PICALM: variants seen among roughly 807,000 people sequenced by gnomAD.
The protein encoded by PICALM is phosphatidylinositol binding clathrin assembly protein.
PICALM carries 40 observed loss-of-function variants against 80.5 expected under a neutral mutation model. The observed-to-expected ratio is 0.50, with a 90% confidence interval of 0.39 to 0.65. PICALM has a LOEUF of 0.65. PICALM is among the 30% of genes least tolerant of loss of function. The pLI, the probability that PICALM is intolerant of heterozygous loss-of-function variation, is 0.00. For missense variants in PICALM, 676 were observed against 778.9 expected (o/e 0.87, Z 1.57); for synonymous variants, 288 against 260.3 (o/e 1.11, Z -1.02).
intron 1 of PICALM, among the ~76,000 whole-genome samples, chr11:86,042,992 T>C (rs2137095434): frequency 6.6e-6 from 1 of 152,168 alleles, no homozygotes; most frequent in East Asian, 1.9e-4. Flanking sequence ...ACGTTATTAG[T>C]TAGGAATGAC....
chr11:85,997,502 G>A (rs910839262), intron 11 of PICALM, among the ~76,000 whole-genome samples: 2 of 152,160 alleles, frequency 1.3e-5, no homozygotes, highest in Non-Finnish European at 1.5e-5. Flanking sequence ...ACAGAGTCTC[G>A]CTCTGTCGCC....
intron 1 of PICALM, 55 bp downstream of exon 1, chr11:86,068,596 C>G: frequency 1.9e-6 from 3 of 1,547,794 alleles, no homozygotes; most frequent in Non-Finnish European, 2.6e-6. Context: ...GAGAGAAGGA[C>G]GCGCGCGGGT....
Position 85,965,807 on chromosome 11 carries a change from G to GTTTTTTTTT in PICALM, c.1945-6748_1945-6747insAAAAAAAAA, listed in dbSNP as rs142410273. The stretch of plus-strand genomic sequence containing the variant: ...TCACCTTGAATGCATTACCCATTTT[G>GTTTTTTTTT]TTTTTTTGTTTTTTTTTTTTTTTTT... On this transcript the variant is annotated intron_variant, in intron 19 of 19. Transcript: ENST00000393346. 1.0e-4 allele frequency among the ~76,000 whole-genome samples: 8 copies of GTTTTTTTTT among 79,256 alleles called. 1 individual carries two copies. The highest frequency in any genetic ancestry group is 2.9e-4 in the African/African-American group (5 of 17,156). The allele number at this position is 79,256 out of a possible 152,430, so 52.0% of individuals were successfully genotyped here.
intron 1 of PICALM, among the ~76,000 whole-genome samples, chr11:86,049,432 T>C (rs1479086812): frequency 6.6e-6 from 1 of 152,116 alleles, no homozygotes; most frequent in Non-Finnish European, 1.5e-5. Context: ...ATTTTGTATG[T>C]ATCAATAAAT....
Position 85,958,765 on chromosome 11 carries a change from GGTAT to G in PICALM, c.*277_*280del. 5.7e-6 allele frequency: 2 copies of G among 349,696 alleles called. No individual in the cohort carries two copies. The highest frequency in any genetic ancestry group is 2.5e-4 in the South Asian group (2 of 7,880). 21.7% of individuals were successfully genotyped at this position (349,696 alleles called of 1,614,324 possible). ...TTTTCTTGATAGGTTACTGATTATGGGTATTAACAGGAGTTGAAAGAATTGAAGG... is the reference window on the plus strand; with the variant it reads ...TTTTCTTGATAGGTTACTGATTATGGTAACAGGAGTTGAAAGAATTGAAGG... On this transcript the variant is annotated 3_prime_UTR_variant, in exon 20 of 20. Transcript: ENST00000393346.
In PICALM at chr11:86,012,363, T is replaced by A; in HGVS notation, c.576A>T (p.Val192=). ...NVNSNELTNG[V]INAAFMLLFK... ...ACAGGAGCATGAAGGCAGCATTTAT[T>A]ACCCCATTTGTAAGTTCATTGCTAT... is the stretch of plus-strand genomic sequence containing the variant. The change falls in exon 6 of 20, where the codon GTA becomes GTT. Residue 192 remains valine, a synonymous_variant. Coordinates refer to ENST00000393346, the MANE Select transcript of PICALM (RefSeq NM_007166.4). 3 of 1,609,424 alleles carry A rather than the reference T, an allele frequency of 1.9e-6. No individual in the cohort carries two copies. Among genetic ancestry groups the A allele is most frequent in the South Asian group, 2.2e-5 (2 of 90,760 alleles).
At chr11:86,017,267 C>T (rs1441254326) in intron 4 of PICALM, among the ~76,000 whole-genome samples, 2 of 151,336 alleles carry the variant, frequency 1.3e-5, no homozygotes, top group African/African-American at 4.9e-5. Context: ...TTTTTCCTAC[C>T]ATGGTAGATT....
intron 17 of PICALM, among the ~76,000 whole-genome samples, chr11:85,977,549 T>A (rs1010385396): frequency 2.6e-5 from 4 of 152,194 alleles, no homozygotes; most frequent in Non-Finnish European, 5.9e-5. Context: ...TATATGGCAA[T>A]TTGAACATAT....
chr11:86,028,910 T>G lies in PICALM; in HGVS notation c.274-2543A>C, dbSNP rs369579071. 3.3e-5 allele frequency among the ~76,000 whole-genome samples: 5 copies of G among 151,306 alleles called. No individual in the cohort carries two copies. In the South Asian group the frequency reaches 8.4e-4, roughly 25 times the overall value. ...CTGGCATGCAAAGGTGTCATCTCGC[T>G]CACTGCAACCTCCGCTTCCCAGGTT... On this transcript the variant is annotated intron_variant, in intron 2 of 19. Transcript: ENST00000393346.
At chr11:86,044,997 G>C (rs2096047155) in intron 1 of PICALM, among the ~76,000 whole-genome samples, 1 of 152,194 alleles carries the variant, frequency 6.6e-6, no homozygotes, top group Non-Finnish European at 1.5e-5. Context: ...ACAAGTGAAA[G>C]CCATTTCTGA....
intron 12 of PICALM, among the ~76,000 whole-genome samples, 170 bp from the exon 13 acceptor site, chr11:85,990,569 T>C (rs1041235882): frequency 6.6e-6 from 1 of 152,178 alleles, no homozygotes; most frequent in Non-Finnish European, 1.5e-5. Context: ...GATAGAAGAA[T>C]TGCATTTAAT....
intron 19 of PICALM, among the ~76,000 whole-genome samples, chr11:85,973,322 A>G (rs1036309580): frequency 2.6e-5 from 4 of 152,202 alleles, no homozygotes; most frequent in Non-Finnish European, 4.4e-5. Context: ...CTAGTCTATG[A>G]AATACAGTCC....
intron 4 of PICALM, among the ~76,000 whole-genome samples, chr11:86,021,936 T>G (rs1445331250): frequency 6.6e-6 from 1 of 152,208 alleles, no homozygotes; most frequent in East Asian, 1.9e-4. Context: ...TATTGTATAA[T>G]TTCATTTATA....
At chr11:86,060,949 TA>T (rs2096351865) in intron 1 of PICALM, among the ~76,000 whole-genome samples, 1 of 152,066 alleles carries the variant, frequency 6.6e-6, no homozygotes, top group African/African-American at 2.4e-5. Flanking sequence ...TGGACTTCAT[TA>T]AGATTAAAAT....
At chr11:85,978,879 G>A (rs751673457) in intron 17 of PICALM, among the ~76,000 whole-genome samples, 1 of 151,996 alleles carries the variant, frequency 6.6e-6, no homozygotes, top group Non-Finnish European at 1.5e-5. Flanking sequence ...TTTAATAGCA[G>A]CACTGGTATT....
At chr11:86,032,551 G>A (rs1407637544) in intron 1 of PICALM, among the ~76,000 whole-genome samples, 6 of 152,092 alleles carry the variant, frequency 3.9e-5, no homozygotes, top group Non-Finnish European at 8.8e-5. Context: ...GCTTGAACCT[G>A]GGAGGCGGAG....
chr11:86,051,031 T>A (rs1336673660), intron 1 of PICALM, among the ~76,000 whole-genome samples: 1 of 152,088 alleles, frequency 6.6e-6, no homozygotes, highest in Non-Finnish European at 1.5e-5. Flanking sequence ...AAAACAAGAA[T>A]CACATAAGAC....
chr11:86,060,990 G>A (rs900500023), intron 1 of PICALM, among the ~76,000 whole-genome samples: 1 of 152,126 alleles, frequency 6.6e-6, no homozygotes, highest in East Asian at 1.9e-4. Flanking sequence ...ATTGTCAAGA[G>A]AATGAAAAAG....
rs1490696553 is a variant in PICALM at position 85,974,745 on chromosome 11, C to T, written c.1907G>A (p.Arg636Lys). The change falls in exon 19 of 20, where the codon AGA becomes AAA. Residue 636 changes from arginine (R) to lysine (K), a missense_variant. Around this residue, in one of 2 missense-constraint regions of PICALM, gnomAD observed 391 missense variants for 383.6 expected, o/e 1.02. Transcript: ENST00000393346. ...PTLIYSQPVM[R>K]PPNPFGPVSG... is the part of the protein sequence containing the mutation. ...TACAGGGCCAAAGGGGTTTGGAGGT[C>T]TCATGACAGGCTGGCTGTATATTAA... The T allele has an allele frequency of 1.9e-6, 3 of 1,613,724 alleles. No homozygotes were observed. The Admixed American group carries it at 5.0e-5, about 27-fold the overall frequency.
Sources: allele counts gnomAD v4.1 joint callset (sites outside exome capture counted in the v4.1 genomes callset), GRCh38; gene constraint gnomAD v4.1.1; regional missense constraint gnomAD v4.1.1; transcripts MANE v1.5; gene names NCBI Gene and HGNC (gene_info 2026-07-23, HGNC 2026-07-21).